ZRANB3: variants seen among roughly 807,000 people sequenced by gnomAD.
The protein encoded by ZRANB3 is DNA annealing helicase and endonuclease ZRANB3.
ZRANB3 carries 125 observed loss-of-function variants against 133.8 expected under a neutral mutation model. The observed-to-expected ratio is 0.93, with a 90% CI of 0.81 to 1.08. The LOEUF is 1.08. Among genes scored for constraint, ZRANB3 ranks in the 50% least tolerant of loss-of-function variants. The pLI is 0.00. For synonymous variants in ZRANB3, 387 were observed against 432.7 expected, an observed-to-expected ratio of 0.89 and a Z score of 1.31; for missense variants, 1,229 against 1,275.5, an observed-to-expected ratio of 0.96 and a Z score of 0.56.
intron 2 of ZRANB3, among the ~76,000 whole-genome samples, chr2:135,419,498 G>T (rs1054132802): frequency 6.6e-6 from 1 of 151,972 alleles, no homozygotes; most frequent in African/African-American, 2.4e-5. Context: ...ACTGAAATGG[G>T]AATATGCATG....
chr2:135,422,103 G>A (rs1401313504), intron 2 of ZRANB3, among the ~76,000 whole-genome samples: 3 of 151,708 alleles, frequency 2.0e-5, no homozygotes, highest in Admixed American at 6.6e-5. Flanking sequence ...TGTCACATTC[G>A]TAGAGTCAAT....
chr2:135,397,894 A>G (rs1412917599), intron 2 of ZRANB3, among the ~76,000 whole-genome samples: 3 of 152,154 alleles, frequency 2.0e-5, no homozygotes, highest in Non-Finnish European at 1.5e-5. Context: ...ATATACAAGG[A>G]GGAGACACAT....
intron 13 of ZRANB3, among the ~76,000 whole-genome samples, chr2:135,229,644 G>A (rs1347676237): frequency 6.6e-6 from 1 of 152,112 alleles, no homozygotes; most frequent in Non-Finnish European, 1.5e-5. Context: ...TGGGATTACA[G>A]GCGTGAGCCA....
intron 1 of ZRANB3, among the ~76,000 whole-genome samples, chr2:135,509,895 T>A (rs993184431): frequency 1.3e-4 from 20 of 152,144 alleles, no homozygotes; most frequent in African/African-American, 1.9e-4. Flanking sequence ...CCAGTGAGAA[T>A]CAAAATTGTC....
At position 135,349,126 on chromosome 2, in the gene ZRANB3, T is replaced by C. The variant is rs76266089; in HGVS notation, c.591+858A>G. ...TATGTATCTCACAAGATTTCCAGGA[T>C]AGAATTGAAAAGCAGAGCTTAGGTA... is the stretch of plus-strand genomic sequence containing the variant. On this transcript the variant is annotated intron_variant, in intron 5 of 20. Coordinates refer to ENST00000264159, the MANE Select transcript of ZRANB3 (RefSeq NM_032143.4). 4.8e-3 allele frequency among the ~76,000 whole-genome samples: 738 copies of C among 152,262 alleles called. 8 individuals are homozygous for C. The highest frequency in any genetic ancestry group is 0.017 in the African/African-American group (691 of 41,546).
intron 12 of ZRANB3, among the ~76,000 whole-genome samples, chr2:135,255,298 C>T (rs1679601788): frequency 6.6e-6 from 1 of 151,876 alleles, no homozygotes; most frequent in Non-Finnish European, 1.5e-5. Context: ...ACACACAGCC[C>T]CCAGGGATTC....
chr2:135,389,029 G>T (rs931970367), intron 3 of ZRANB3, among the ~76,000 whole-genome samples: 6 of 152,200 alleles, frequency 3.9e-5, no homozygotes, highest in African/African-American at 1.4e-4. Context: ...AGTGAGTCGA[G>T]ATCGTGCCAC....
chr2:135,199,101 A>G lies in ZRANB3; in HGVS notation c.*1241T>C, dbSNP rs1693514319. 1 of 152,210 alleles carries G rather than the reference A, an allele frequency of 6.6e-6. No homozygotes were observed. Among genetic ancestry groups the G allele is most frequent in the Non-Finnish European group, 1.5e-5 (1 of 68,036 alleles). 9.4% of individuals were successfully genotyped at this position (152,210 alleles called of 1,614,324 possible). On this transcript the variant is annotated 3_prime_UTR_variant, in exon 21 of 21. Coordinates refer to ENST00000264159, the MANE Select transcript of ZRANB3 (RefSeq NM_032143.4). Reference sequence around the variant, plus strand: ...TCATCGTCACTCTTATTTTATGTCAATTACATTTTAATGTTATTATTGTAT... The same window carrying G: ...TCATCGTCACTCTTATTTTATGTCAGTTACATTTTAATGTTATTATTGTAT...
intron 2 of ZRANB3, among the ~76,000 whole-genome samples, chr2:135,434,901 G>A (rs751794074): frequency 1.3e-5 from 2 of 151,664 alleles, no homozygotes; most frequent in South Asian, 2.1e-4. Context: ...TTAAATTTTA[G>A]GCAAATGCAG....
intron 2 of ZRANB3, among the ~76,000 whole-genome samples, chr2:135,474,615 T>C (rs931357501): frequency 6.6e-6 from 1 of 152,158 alleles, no homozygotes; most frequent in Non-Finnish European, 1.5e-5. Flanking sequence ...TTGTGAGGTC[T>C]CACCAGTAGC....
At chr2:135,349,162 AC>A (rs1408384785) in intron 5 of ZRANB3, among the ~76,000 whole-genome samples, 2 of 152,180 alleles carry the variant, frequency 1.3e-5, no homozygotes, top group African/African-American at 4.8e-5. Flanking sequence ...ATACTGTTAG[AC>A]AGGGCAATGA....
chr2:135,478,216 T>A (rs1415974863), intron 2 of ZRANB3, among the ~76,000 whole-genome samples: 2 of 152,092 alleles, frequency 1.3e-5, no homozygotes, highest in Admixed American at 6.6e-5. Flanking sequence ...GTATATATAA[T>A]GAAAAGCAAA....
chr2:135,237,906 C>G (rs904541181), intron 12 of ZRANB3, among the ~76,000 whole-genome samples: 2 of 152,028 alleles, frequency 1.3e-5, no homozygotes, highest in African/African-American at 4.8e-5. Flanking sequence ...CAAATCTGCA[C>G]GTTGTGCACA....
At chr2:135,488,625 TTATGCAAAGCACAATA>T (rs1309934178) in intron 2 of ZRANB3, among the ~76,000 whole-genome samples, 5 of 150,968 alleles carry the variant, frequency 3.3e-5, no homozygotes, top group Non-Finnish European at 7.4e-5. Context: ...AAACCACAAT[TTATGCAAAGCACAATA>T]TATGCAAAGC....
chr2:135,279,325 C>T (rs1383390772), intron 8 of ZRANB3, among the ~76,000 whole-genome samples: 3 of 152,116 alleles, frequency 2.0e-5, no homozygotes, highest in African/African-American at 7.2e-5. Flanking sequence ...TTCTAAACCA[C>T]AGAAATTCAT....
intron 2 of ZRANB3, among the ~76,000 whole-genome samples, chr2:135,493,632 T>C (rs921600170): frequency 3.9e-5 from 6 of 152,182 alleles, no homozygotes; most frequent in African/African-American, 1.4e-4. Flanking sequence ...TAGTCATTCA[T>C]TTTGAATGCC....
chr2:135,492,745 G>A (rs1325615821), intron 2 of ZRANB3, among the ~76,000 whole-genome samples: 1 of 151,950 alleles, frequency 6.6e-6, no homozygotes, highest in Non-Finnish European at 1.5e-5. Flanking sequence ...CACCAACAAA[G>A]AACCTTAGGA....
At chr2:135,527,124 CTG>C (rs1262839403) in intron 1 of ZRANB3, among the ~76,000 whole-genome samples, 9 of 152,318 alleles carry the variant, frequency 5.9e-5, no homozygotes, top group African/African-American at 1.9e-4. Context: ...CTCCCGAGGG[CTG>C]TGTCATGGGC....
intron 2 of ZRANB3, among the ~76,000 whole-genome samples, chr2:135,456,421 A>C (rs72986433): frequency 0.069 from 10,506 of 152,220 alleles, 758 homozygotes; most frequent in African/African-American, 0.18. Context: ...CCTGTAAGGA[A>C]AGTAGGGAAA....
Sources: allele counts gnomAD v4.1 joint callset (sites outside exome capture counted in the v4.1 genomes callset), GRCh38; gene constraint gnomAD v4.1.1; transcripts MANE v1.5; gene names NCBI Gene and HGNC (gene_info 2026-07-23, HGNC 2026-07-21).